Variants in HEPHL1 observed in about 807,000 individuals in gnomAD.
HEPHL1 encodes ferroxidase HEPHL1.
A neutral mutation model predicts 122.0 loss-of-function variants in HEPHL1; 123 were observed. The observed-to-expected ratio is 1.01, with a 90% CI of 0.87 to 1.17. HEPHL1 has a LOEUF of 1.17. Ranked by LOEUF, HEPHL1 falls within the 50% of genes most tolerant of loss-of-function variation. The pLI is 0.00. For synonymous variants in HEPHL1, 527 were observed against 508.9 expected (o/e 1.04, Z -0.48); for missense variants, 1,452 against 1,430.5 (o/e 1.01, Z -0.24).
chr11:94,064,643 A>G (rs1946019235), intron 4 of HEPHL1, 133 bp downstream of exon 4: 1 of 633,848 alleles, frequency 1.6e-6, no homozygotes, highest in African/African-American at 1.8e-5. Flanking sequence ...CATGGTTAGA[A>G]AGTGATACAA....
intron 1 of HEPHL1, among the ~76,000 whole-genome samples, chr11:94,043,062 A>G (rs1945801066): frequency 6.6e-6 from 1 of 152,112 alleles, no homozygotes; most frequent in Non-Finnish European, 1.5e-5. Flanking sequence ...GAAGTGCTCC[A>G]TGATACCTGA....
intron 13 of HEPHL1, among the ~76,000 whole-genome samples, chr11:94,100,305 T>C (rs2134451198): frequency 6.6e-6 from 1 of 152,358 alleles, no homozygotes; most frequent in East Asian, 1.9e-4. Flanking sequence ...GACCACCAAC[T>C]GTCAGTGTAT....
chr11:94,098,507 C>T (rs568342903), intron 13 of HEPHL1, among the ~76,000 whole-genome samples: 25 of 152,240 alleles, frequency 1.6e-4, no homozygotes, highest in African/African-American at 5.8e-4. Flanking sequence ...TTGCTCTTCT[C>T]GAGGAGTATC....
chr11:94,062,252 A>G (rs1029253528), intron 2 of HEPHL1, among the ~76,000 whole-genome samples: 5 of 152,296 alleles, frequency 3.3e-5, no homozygotes, highest in African/African-American at 1.2e-4. Flanking sequence ...TTAACTTAAT[A>G]AAAAATGAAT....
At chr11:94,042,938 C>G (rs1205737453) in intron 1 of HEPHL1, among the ~76,000 whole-genome samples, 2 of 143,600 alleles carry the variant, frequency 1.4e-5, no homozygotes, top group Non-Finnish European at 1.5e-5. Context: ...GGATTGAATA[C>G]TCTGTTAGAC....
chr11:94,033,621 G>C (rs1190058201), intron 1 of HEPHL1, among the ~76,000 whole-genome samples: 1 of 152,146 alleles, frequency 6.6e-6, no homozygotes, highest in African/African-American at 2.4e-5. Flanking sequence ...TCTATTGGCT[G>C]TCCTGGACCT....
At chr11:94,027,554 T>C (rs1214219559) in intron 1 of HEPHL1, among the ~76,000 whole-genome samples, 1 of 152,100 alleles carries the variant, frequency 6.6e-6, no homozygotes, top group Non-Finnish European at 1.5e-5. Flanking sequence ...AGCACCACTC[T>C]CCCAGTTGCT....
At chr11:94,093,427 C>T in intron 12 of HEPHL1, 74 bp from the exon 13 acceptor site, 1 of 1,550,972 alleles carries the variant, frequency 6.4e-7, no homozygotes, top group Non-Finnish European at 8.9e-7. Context: ...CCAGAATACC[C>T]CTGAATCACT....
rs535679875 is a variant in HEPHL1, at chr11:94,067,480, G to T, written c.809-16G>T. The T allele has an allele frequency of 6.2e-7, 1 of 1,610,528 alleles. No individual in the cohort carries two copies. The highest frequency in any genetic ancestry group is 1.7e-5 in the Admixed American group (1 of 59,948). On this transcript the variant is annotated splice_polypyrimidine_tract_variant and intron_variant, in intron 4 of 19. Transcript: ENST00000315765. ...CTGCAGGGGAGTCTCTTCCACTAGC[G>T]TGTTTCTGTTTCCAGCCCTCAATGG...
At chr11:94,087,867 A>G (rs1164342916) in intron 11 of HEPHL1, among the ~76,000 whole-genome samples, 4 of 152,220 alleles carry the variant, frequency 2.6e-5, no homozygotes, top group Admixed American at 6.5e-5. Context: ...TGTTTAGACA[A>G]CAGAGTTACA....
chr11:94,035,850 A>C (rs1017721085), intron 1 of HEPHL1, among the ~76,000 whole-genome samples: 5 of 151,950 alleles, frequency 3.3e-5, no homozygotes, highest in Admixed American at 6.5e-5. Flanking sequence ...CATTCTCCTG[A>C]CTCAGCCTCC....
At position 94,067,567 on chromosome 11, in the gene HEPHL1, C is replaced by T. The variant is rs1225096879; in HGVS notation, c.880C>T (p.Leu294=). Residue 294 remains leucine (L), a synonymous_variant, in exon 5 of 20, where the codon CTA becomes TTA. Coordinates refer to ENST00000315765, the MANE Select transcript of HEPHL1 (RefSeq NM_001098672.2). ...TGTTGGAGAATCTGTGTCCTGGCAC[C>T]TATTTGGAATGGGGAATGAAATAGA... ...MCVGESVSWH[L]FGMGNEIDIH... is the part of the protein sequence containing the mutation. The T allele has an allele frequency of 6.2e-7, 1 of 1,613,618 alleles. No homozygotes were observed. The highest frequency in any genetic ancestry group is 2.2e-5 in the East Asian group (1 of 44,876).
intron 1 of HEPHL1, among the ~76,000 whole-genome samples, chr11:94,032,968 C>A (rs1313824654): frequency 1.3e-5 from 2 of 152,096 alleles, no homozygotes; most frequent in Admixed American, 6.6e-5. Flanking sequence ...TGCTCATCTC[C>A]CAAGTGCTAG....
intron 2 of HEPHL1, among the ~76,000 whole-genome samples, chr11:94,057,710 A>C (rs1384630135): frequency 6.6e-6 from 1 of 151,942 alleles, no homozygotes; most frequent in Non-Finnish European, 1.5e-5. Flanking sequence ...TAGTTGTTTG[A>C]ACATATTTAT....
At chr11:94,051,866 G>A (rs113573133) in intron 2 of HEPHL1, among the ~76,000 whole-genome samples, 193 of 152,238 alleles carry the variant, frequency 1.3e-3, no homozygotes, top group African/African-American at 4.4e-3. Context: ...TGGGTATCCA[G>A]TTTTCCCAGT....
At chr11:94,081,910 A>G (rs1946173394) in intron 9 of HEPHL1, among the ~76,000 whole-genome samples, 1 of 152,206 alleles carries the variant, frequency 6.6e-6, no homozygotes, top group South Asian at 2.1e-4. Context: ...AGGGAAGACC[A>G]CTCTGAGGAA....
At position 94,021,433 on chromosome 11, in the gene HEPHL1, T is replaced by C. The variant is rs1263504512; in HGVS notation, c.65T>C (p.Val22Ala). The C allele has an allele frequency of 1.8e-5, 29 of 1,613,448 alleles. No individual in the cohort carries two copies. The highest frequency in any genetic ancestry group is 4.5e-5 in the East Asian group (2 of 44,888). ...LLTFLGLSGLVGTVTRTYYIG... is the reference protein window; with the variant it reads ...LLTFLGLSGLAGTVTRTYYIG... The stretch of plus-strand genomic sequence containing the variant: ...ACATTCCTGGGTCTGTCTGGGCTGG[T>C]TGGCACAGTTACCAGAACGTACTAC... Residue 22 changes from valine (V) to alanine (A), a missense_variant, in exon 1 of 20, where the codon GTT (valine) becomes GCT (alanine). Transcript: ENST00000315765.
At chr11:94,072,758 T>C (rs1308833609) in intron 6 of HEPHL1, among the ~76,000 whole-genome samples, 2 of 152,078 alleles carry the variant, frequency 1.3e-5, no homozygotes, top group Non-Finnish European at 2.9e-5. Context: ...TATTGGTAAA[T>C]AAGGAGTTTA....
chr11:94,111,190 A>G lies in HEPHL1; in HGVS notation c.3208+125A>G, dbSNP rs190219055. 4 of 715,378 alleles carry G rather than the reference A, an allele frequency of 5.6e-6. No individual in the cohort carries two copies. The African/African-American group carries it at 7.1e-5, about 13-fold the overall frequency. The allele number at this position is 715,378 out of a possible 1,614,324, so 44.3% of individuals were successfully genotyped here. ...GCTCAGAGTCAAGTAAGAGAGACAT[A>G]TATGTAAATATGTAACTATAATCAA... On this transcript the variant is annotated intron_variant, in intron 18 of 19. Coordinates refer to ENST00000315765, the MANE Select transcript of HEPHL1 (RefSeq NM_001098672.2).
Sources: allele counts gnomAD v4.1 joint callset (sites outside exome capture counted in the v4.1 genomes callset), GRCh38; gene constraint gnomAD v4.1.1; transcripts MANE v1.5; gene names NCBI Gene and HGNC (gene_info 2026-07-23, HGNC 2026-07-21).